PKHD1L1: variants seen among roughly 807,000 people sequenced by gnomAD.
The protein encoded by PKHD1L1 is fibrocystin-L.
In PKHD1L1, 434 loss-of-function variants were observed where a neutral mutation model predicts 462.9. The ratio of observed to expected loss-of-function variants is 0.94; its 90% CI spans 0.87 to 1.02. The LOEUF (loss-of-function observed/expected upper bound fraction) is 1.02. Among genes scored for constraint, PKHD1L1 ranks in the 50% least tolerant of loss-of-function variants. PKHD1L1 has a pLI of 0.00. For synonymous variants in PKHD1L1, 1,781 were observed against 1,750.0 expected, an observed-to-expected ratio of 1.02 and a Z score of -0.44; for missense variants, 5,202 against 5,096.1, an observed-to-expected ratio of 1.02 and a Z score of -0.63.
At position 109,445,290 on chromosome 8, in the gene PKHD1L1, T is replaced by A. The variant is rs879218133; in HGVS notation, c.5421T>A (p.Val1807=). Residue 1807 remains valine (V), a synonymous_variant, in exon 38 of 78, where the codon GTT becomes GTA. Coordinates refer to ENST00000378402, the MANE Select transcript of PKHD1L1 (RefSeq NM_177531.6). ...NITALVTPLP[V]GHHSVSVVVG... is the part of the protein sequence containing the mutation. ...CTGCTCTTGTGACTCCTCTCCCAGT[T>A]GGACATCATTCTGTTAGTGTTGTGG... 1 of 1,614,018 alleles carries A rather than the reference T, an allele frequency of 6.2e-7. No individual in the cohort carries two copies. The highest frequency in any genetic ancestry group is 8.5e-7 in the Non-Finnish European group (1 of 1,179,882).
chr8:109,401,734 A>G, intron 14 of PKHD1L1, 146 bp downstream of exon 14: 1 of 509,202 alleles, frequency 2.0e-6, no homozygotes, highest in East Asian at 3.2e-5. Context: ...CTATAATTTT[A>G]TTCAAATGTG....
chr8:109,394,299 C>T, intron 9 of PKHD1L1, 116 bp from the exon 10 acceptor site: 1 of 574,146 alleles, frequency 1.7e-6, no homozygotes, highest in Non-Finnish European at 3.0e-6. Flanking sequence ...TATCTTCTCC[C>T]AAAAGTTCCA....
chr8:109,493,766 C>A lies in PKHD1L1; in HGVS notation c.10327+15C>A. ...ACCTTGCCCAGGTAAGTCTTTTAAACCAGGAATCGCTAAAACTAGGAAATA... is the reference window on the plus strand; with the variant it reads ...ACCTTGCCCAGGTAAGTCTTTTAAAACAGGAATCGCTAAAACTAGGAAATA... On this transcript the variant is annotated intron_variant, in intron 63 of 77. Transcript: ENST00000378402. 6.5e-7 allele frequency: 1 copy of A among 1,531,056 alleles called. No individual in the cohort carries two copies. The highest frequency in any genetic ancestry group is 8.9e-7 in the Non-Finnish European group (1 of 1,125,644). The allele number at this position is 1,531,056 out of a possible 1,614,324, so 94.8% of individuals were successfully genotyped here.
At position 109,446,951 on chromosome 8, in the gene PKHD1L1, C is replaced by T. The variant is rs182922861; in HGVS notation, c.5777-1192C>T. Among the ~76,000 whole-genome samples the T allele has an allele frequency of 3.0e-4, 45 of 152,238 alleles. No individual in the cohort carries two copies. The East Asian group carries it at 7.5e-3, about 26-fold the overall frequency. ...ATCTTAAAACTATTCTGTCCAGGTG[C>T]GGTGGCTCACGCCTGTAATCCTAGC... On this transcript the variant is annotated intron_variant, in intron 38 of 77. Transcript: ENST00000378402.
chr8:109,506,419 G>A (rs765905328), intron 68 of PKHD1L1, among the ~76,000 whole-genome samples: 14 of 152,262 alleles, frequency 9.2e-5, no homozygotes, highest in South Asian at 4.1e-4. Flanking sequence ...TCTGCTGTGC[G>A]GTTCATATGC....
Position 109,382,567 on chromosome 8 carries a change from T to G in PKHD1L1, c.413T>G (p.Phe138Cys). ...CACATCAACAGCTGGGAATGTACCT[T>G]CAACGTATGTAGGAATCTTCTCTTC... ...KGHINSWECT[F>C]NAKSFRTPTI... Residue 138 changes from phenylalanine (F) to cysteine (C), a missense_variant, in exon 4 of 78, where the codon TTC becomes TGC. Phe to Cys is a radical substitution (Grantham distance 205). This residue lies in a region of PKHD1L1 where 4,497 missense variants were observed against 4,336.8 expected (regional missense o/e 1.04). Coordinates refer to ENST00000378402, the MANE Select transcript of PKHD1L1 (RefSeq NM_177531.6). 6.2e-7 allele frequency: 1 copy of G among 1,607,366 alleles called. No individual in the cohort carries two copies. The highest frequency in any genetic ancestry group is 2.2e-5 in the East Asian group (1 of 44,468).
intron 46 of PKHD1L1, among the ~76,000 whole-genome samples, chr8:109,457,855 A>G (rs1816908561): frequency 6.6e-6 from 1 of 152,162 alleles, no homozygotes; most frequent in Admixed American, 6.6e-5. Context: ...AATCCAGGAA[A>G]ATTCAAGAGA....
chr8:109,442,485 G>T (rs1815852837), intron 35 of PKHD1L1, among the ~76,000 whole-genome samples: 1 of 152,102 alleles, frequency 6.6e-6, no homozygotes, highest in Admixed American at 6.6e-5. Context: ...AGGAATATAT[G>T]TTTAAATCAA....
At chr8:109,431,540 A>G (rs1451135192) in intron 27 of PKHD1L1, among the ~76,000 whole-genome samples, 1 of 152,200 alleles carries the variant, frequency 6.6e-6, no homozygotes, top group Non-Finnish European at 1.5e-5. Flanking sequence ...TAACACACAC[A>G]CACACACGGT....
intron 2 of PKHD1L1, among the ~76,000 whole-genome samples, chr8:109,377,469 G>A (rs933370401): frequency 6.6e-6 from 1 of 152,022 alleles, no homozygotes; most frequent in African/African-American, 2.4e-5. Flanking sequence ...ATACAAATTT[G>A]CTAGTGCAAA....
chr8:109,409,394 C>T (rs1211325391), intron 18 of PKHD1L1, among the ~76,000 whole-genome samples: 2 of 152,032 alleles, frequency 1.3e-5, no homozygotes, highest in Admixed American at 6.6e-5. Flanking sequence ...GGACTACAGG[C>T]GCTTGCCACA....
Position 109,419,239 on chromosome 8 carries a change from T to A in PKHD1L1, c.2503T>A (p.Ser835Thr), listed in dbSNP as rs773509006. 1 of 1,606,650 alleles carries A rather than the reference T, an allele frequency of 6.2e-7. No individual in the cohort carries two copies. The highest frequency in any genetic ancestry group is 2.2e-5 in the East Asian group (1 of 44,792). The change falls in exon 22 of 78, where the codon TCT becomes ACT. Residue 835 changes from serine (S) to threonine (T), a missense_variant. By Grantham distance (58) the Ser-to-Thr change is moderately conservative. Around this residue, in one of 3 missense-constraint regions of PKHD1L1, gnomAD observed 4,497 missense variants for 4,336.8 expected, o/e 1.04. Transcript: ENST00000378402. Reference protein sequence around the residue: ...YVDVVYIGHTSTISTLDEMPK... With the variant: ...YVDVVYIGHTTTISTLDEMPK... ...GGATGTAGTGTACATTGGACACACA[T>A]CTACAATCTCAACATTGGATGGTAT...
chr8:109,367,151 T>C (rs555213816), intron 2 of PKHD1L1, among the ~76,000 whole-genome samples: 4 of 152,322 alleles, frequency 2.6e-5, no homozygotes, highest in Admixed American at 6.5e-5. Context: ...CCATAATATA[T>C]ACAGAATGAT....
intron 63 of PKHD1L1, among the ~76,000 whole-genome samples, chr8:109,496,252 TTAA>T (rs1264097677): frequency 6.6e-6 from 1 of 152,116 alleles, no homozygotes; most frequent in Admixed American, 6.5e-5. Flanking sequence ...TCACAAATAA[TTAA>T]TAATAAAAAT....
rs778110404 is a variant in PKHD1L1, at chr8:109,485,086, C to T, written c.9619C>T (p.His3207Tyr). The change falls in exon 58 of 78, where the codon CAC (histidine) becomes TAC (tyrosine). Residue 3207 changes from histidine (H) to tyrosine (Y), a missense_variant. By Grantham distance (83) the His-to-Tyr change is moderately conservative (BLOSUM62 2). This residue lies in a region of PKHD1L1 where 4,497 missense variants were observed against 4,336.8 expected (regional missense o/e 1.04). Transcript: ENST00000378402. ...IVITTTSYDF[H>Y]QTETRSIVKI... ...GATAACAACCACAAGCTACGATTTC[C>T]ACCAGACAGAAACAAGAAGTATCGT... is the stretch of plus-strand genomic sequence containing the variant. 5.0e-6 allele frequency: 8 copies of T among 1,603,192 alleles called. No individual in the cohort carries two copies. Among genetic ancestry groups the T allele is most frequent in the East Asian group, 4.5e-5 (2 of 44,426 alleles).
At position 109,404,649 on chromosome 8, in the gene PKHD1L1, C is replaced by T. The variant is rs749488962; in HGVS notation, c.1469C>T (p.Thr490Ile). Residue 490 changes from threonine to isoleucine, a missense_variant, in exon 15 of 78, where the codon ACA (threonine) becomes ATA (isoleucine). Physicochemically the swap from Thr to Ile is moderately conservative, Grantham distance 89 (BLOSUM62 -1). This residue lies in a region of PKHD1L1 where 4,497 missense variants were observed against 4,336.8 expected (regional missense o/e 1.04). Coordinates refer to ENST00000378402, the MANE Select transcript of PKHD1L1 (RefSeq NM_177531.6). ...QYRNVYTEQQTGDAVNEEQVI... is the reference protein window; with the variant it reads ...QYRNVYTEQQIGDAVNEEQVI... ...CGAAATGTTTATACTGAACAACAAACAGGAGATGCAGTGAATGAAGAACAA... is the reference window on the plus strand; with the variant it reads ...CGAAATGTTTATACTGAACAACAAATAGGAGATGCAGTGAATGAAGAACAA... The T allele has an allele frequency of 1.9e-6, 3 of 1,607,952 alleles. No individual in the cohort carries two copies. The highest frequency in any genetic ancestry group is 1.7e-6 in the Non-Finnish European group (2 of 1,176,870).
chr8:109,418,962 G>A lies in PKHD1L1; in HGVS notation c.2361-135G>A. The stretch of plus-strand genomic sequence containing the variant: ...TGTGCCTTGTTACGGCTGCTTTTCT[G>A]TGCTAATAAAGCTCCCCTGATGGTC... On this transcript the variant is annotated intron_variant, in intron 21 of 77. Coordinates refer to ENST00000378402, the MANE Select transcript of PKHD1L1 (RefSeq NM_177531.6). 6.1e-6 allele frequency: 4 copies of A among 654,094 alleles called. No homozygotes were observed. The South Asian group carries it at 1.3e-4, about 21-fold the overall frequency. The allele number at this position is 654,094 out of a possible 1,614,324, so 40.5% of individuals were successfully genotyped here. A position where few individuals can be genotyped will look rare whatever the true frequency, so the allele number is the denominator to read the frequency against.
chr8:109,409,353 G>A (rs192232826), intron 18 of PKHD1L1, among the ~76,000 whole-genome samples: 76 of 151,912 alleles, frequency 5.0e-4, no homozygotes, highest in Middle Eastern at 3.4e-3. Context: ...GGGTTCAAGC[G>A]ATTCTCCTGC....
At chr8:109,467,103 G>A (rs1302405349) in intron 50 of PKHD1L1, among the ~76,000 whole-genome samples, 1 of 152,102 alleles carries the variant, frequency 6.6e-6, no homozygotes, top group African/African-American at 2.4e-5. Flanking sequence ...CTTGCTGATT[G>A]AGATGGGATG....
Sources: allele counts gnomAD v4.1 joint callset (sites outside exome capture counted in the v4.1 genomes callset), GRCh38; gene constraint gnomAD v4.1.1; regional missense constraint gnomAD v4.1.1; transcripts MANE v1.5; gene names NCBI Gene and HGNC (gene_info 2026-07-23, HGNC 2026-07-21).